The following RB1 variants were observed in gnomAD, a reference collection of about 807,000 sequenced individuals.
The protein encoded by RB1 is RB transcriptional corepressor 1, also known as retinoblastoma-associated protein.
RB1 carries 18 observed loss-of-function variants against 135.4 expected under a neutral mutation model. That is an observed-to-expected ratio of 0.13 (90% CI 0.09 to 0.20). The LOEUF (loss-of-function observed/expected upper bound fraction) is 0.20. RB1 is among the 10% of genes least tolerant of loss of function. The pLI, the probability that RB1 is intolerant of heterozygous loss-of-function variation, is 1.00. For missense variants in RB1, 868 were observed against 1,110.0 expected (o/e 0.78, Z 3.10); for synonymous variants, 365 against 373.2 (o/e 0.98, Z 0.25).
At chr13:48,364,997 A>G in intron 9 of RB1, 26 bp downstream of exon 9, 1 of 1,552,092 alleles carries the variant, frequency 6.4e-7, no homozygotes, top group Non-Finnish European at 8.7e-7. Flanking sequence ...ATTTAATAAA[A>G]TATTAATGTT....
At chr13:48,416,898 A>G (rs1158303616) in intron 17 of RB1, among the ~76,000 whole-genome samples, 2 of 152,168 alleles carry the variant, frequency 1.3e-5, no homozygotes, top group Non-Finnish European at 2.9e-5. Context: ...CATCTCTGAA[A>G]AAAAGGCAGC....
At chr13:48,329,513 G>GAAAGC (rs1952315400) in intron 2 of RB1, among the ~76,000 whole-genome samples, 1 of 152,190 alleles carries the variant, frequency 6.6e-6, no homozygotes, top group East Asian at 1.9e-4. Flanking sequence ...TAGCTTTATT[G>GAAAGC]AAAGCAAACA....
intron 9 of RB1, among the ~76,000 whole-genome samples, chr13:48,366,234 C>A (rs1253082283): frequency 6.6e-6 from 1 of 152,082 alleles, no homozygotes; most frequent in Non-Finnish European, 1.5e-5. Flanking sequence ...TTGTAGCAAT[C>A]TTTTTTTCTC....
chr13:48,318,268 A>G, intron 2 of RB1: 1 of 900,134 alleles, frequency 1.1e-6, no homozygotes. Context: ...CTGTCTTTCC[A>G]GTCTCTCGGG....
intron 17 of RB1, among the ~76,000 whole-genome samples, chr13:48,414,389 CAGA>C (rs1391194339): frequency 6.7e-6 from 1 of 150,340 alleles, no homozygotes; most frequent in Non-Finnish European, 1.5e-5. Flanking sequence ...ACTCCAAAAT[CAGA>C]AGAAGAAAGT....
intron 2 of RB1, among the ~76,000 whole-genome samples, chr13:48,313,577 CT>C (rs760285866): frequency 2.2e-4 from 33 of 148,174 alleles, no homozygotes; most frequent in Non-Finnish European, 3.4e-4. Flanking sequence ...AGAGGTCTAA[CT>C]CCAGTCTTTT....
chr13:48,327,971 A>G, intron 2 of RB1: 1 of 545,152 alleles, frequency 1.8e-6, no homozygotes, highest in South Asian at 2.6e-5. Flanking sequence ...TAAAAAGATG[A>G]AAAAGAAAAA....
chr13:48,358,311 A>G (rs542793737), intron 6 of RB1, among the ~76,000 whole-genome samples: 1 of 151,818 alleles, frequency 6.6e-6, no homozygotes, highest in South Asian at 2.1e-4. Flanking sequence ...TCCCCCTCGT[A>G]TTGCTGGGAC....
chr13:48,481,748 A>G lies in RB1; in HGVS notation c.*1677A>G, dbSNP rs1006051707. 3.0e-5 allele frequency: 7 copies of G among 229,656 alleles called. No homozygotes were observed. Among genetic ancestry groups the G allele is most frequent in the Admixed American group, 2.8e-4 (5 of 17,674 alleles). The allele number at this position is 229,656 out of a possible 1,614,324, so 14.2% of individuals were successfully genotyped here. A position where few individuals can be genotyped will look rare whatever the true frequency, so the allele number is the denominator to read the frequency against. On this transcript the variant is annotated 3_prime_UTR_variant, in exon 27 of 27. Coordinates refer to ENST00000267163, the MANE Select transcript of RB1 (RefSeq NM_000321.3). ...GGAACTTCAGAGATCGTGTATTGAG[A>G]TTTCTTAAATAATGCTTCAGATATT...
Position 48,307,377 on chromosome 13 carries a change from G to A in RB1, c.235G>A (p.Glu79Lys), listed in dbSNP as rs1060503090. Residue 79 changes from glutamate to lysine, a missense_variant, in exon 2 of 27, where the codon GAG becomes AAG. Transcript: ENST00000267163. ...CAGAGAGAGAGCTTGGTTAACTTGG[G>A]AGAAAGTTTCATCTGTGGATGGAGT... The part of the protein sequence containing the change: ...HVRERAWLTW[E>K]KVSSVDGVLG... 1 of 1,613,448 alleles carries A rather than the reference G, an allele frequency of 6.2e-7. No individual in the cohort carries two copies. Among genetic ancestry groups the A allele is most frequent in the Non-Finnish European group, 8.5e-7 (1 of 1,179,592 alleles).
intron 2 of RB1, among the ~76,000 whole-genome samples, chr13:48,313,066 C>A (rs57935201): frequency 0.014 from 2,080 of 152,176 alleles, 41 homozygotes; most frequent in African/African-American, 0.047. Context: ...TTTTTTATTT[C>A]CATTGTTGGC....
chr13:48,371,210 G>A (rs1023830734), intron 11 of RB1, among the ~76,000 whole-genome samples: 1 of 152,172 alleles, frequency 6.6e-6, no homozygotes, highest in African/African-American at 2.4e-5. Context: ...TTAAGCAGGG[G>A]TAAGGATAAA....
At chr13:48,340,179 A>G (rs898747067) in intron 2 of RB1, among the ~76,000 whole-genome samples, 1 of 152,208 alleles carries the variant, frequency 6.6e-6, no homozygotes, top group African/African-American at 2.4e-5. Flanking sequence ...CTAAACTTCT[A>G]GAAGATGACA....
intron 17 of RB1, among the ~76,000 whole-genome samples, chr13:48,436,769 A>G (rs1299836129): frequency 6.6e-6 from 1 of 152,242 alleles, no homozygotes; most frequent in Non-Finnish European, 1.5e-5. Context: ...AAGGTCTGCC[A>G]AAATTCTTCT....
intron 2 of RB1, among the ~76,000 whole-genome samples, chr13:48,338,752 A>G (rs968048935): frequency 3.9e-5 from 6 of 151,934 alleles, no homozygotes; most frequent in African/African-American, 1.5e-4. Flanking sequence ...GGGGAGAGGC[A>G]CTCTGATTTT....
At chr13:48,316,859 G>A (rs1952188752) in intron 2 of RB1, 1 of 317,264 alleles carries the variant, frequency 3.2e-6, no homozygotes, top group African/African-American at 2.2e-5. Context: ...CGAGGGCTTA[G>A]ACCTTCACTG....
At chr13:48,453,382 A>C (rs1949340756) in intron 18 of RB1, among the ~76,000 whole-genome samples, 1 of 152,200 alleles carries the variant, frequency 6.6e-6, no homozygotes, top group South Asian at 2.1e-4. Flanking sequence ...TCAATGTGGA[A>C]ACTGGAGAGA....
intron 2 of RB1, among the ~76,000 whole-genome samples, chr13:48,315,164 C>A (rs1952171047): frequency 1.3e-5 from 2 of 152,062 alleles, no homozygotes; most frequent in Non-Finnish European, 2.9e-5. Flanking sequence ...TTCTTCTTAT[C>A]CATGAGCATG....
rs1215091784 is a variant in RB1 at position 48,308,864 on chromosome 13, G to C, written c.264+1458G>C. On this transcript the variant is annotated intron_variant, in intron 2 of 26. Transcript: ENST00000267163. ...ATATAAATTTGAGATTATACATGTA[G>C]TTATGTATAGTTACCTGTAGTTACA... Among the ~76,000 whole-genome samples, 5 of 152,190 alleles carry C rather than the reference G, an allele frequency of 3.3e-5. No individual in the cohort carries two copies. In the East Asian group the frequency reaches 9.6e-4, roughly 29 times the overall value.
Sources: gnomAD v4.1 joint callset for allele counts (sites outside exome capture counted in the v4.1 genomes callset) on GRCh38, gnomAD v4.1.1 for gene constraint, MANE v1.5 for transcripts, NCBI Gene and HGNC (gene_info 2026-07-23, HGNC 2026-07-21) for gene names.